Variants in MID1 observed in about 807,000 individuals in gnomAD.
MID1 encodes the protein midline 1, also known as E3 ubiquitin-protein ligase Midline-1.
MID1 carries 7 observed loss-of-function variants against 40.4 expected under a neutral mutation model. The observed-to-expected ratio is 0.17, with a 90% CI of 0.10 to 0.33. The LOEUF is 0.33. Among genes scored for constraint, MID1 ranks in the 10% least tolerant of loss-of-function variants. The probability of loss-of-function intolerance (pLI) is 1.00; values close to 1 mark genes in which losing one functional copy is unlikely to be tolerated. For synonymous variants in MID1, 229 were observed against 221.2 expected, an observed-to-expected ratio of 1.04 and a Z score of -0.31; for missense variants, 367 against 558.5, an observed-to-expected ratio of 0.66 and a Z score of 3.46.
At chrX:10,699,315 G>A (rs1399321455) in intron 1 of MID1, among the ~76,000 whole-genome samples, 1 of 111,855 alleles carries the variant, frequency 8.9e-6, no homozygotes, top group Non-Finnish European at 1.9e-5. Context: ...CAAATAAATG[G>A]GACTGATATC....
intron 1 of MID1, among the ~76,000 whole-genome samples, chrX:10,688,320 C>G (rs934215059): frequency 9.0e-6 from 1 of 111,628 alleles, no homozygotes; most frequent in Non-Finnish European, 1.9e-5. Flanking sequence ...TTGTAACCAG[C>G]ATTTTGGTAC....
chrX:10,632,861 G>A (rs1264024385), intron 1 of MID1, among the ~76,000 whole-genome samples: 1 of 111,383 alleles, frequency 9.0e-6, no homozygotes, highest in Non-Finnish European at 1.9e-5. Flanking sequence ...TGAAAAGTAT[G>A]TGAAATTAAA....
intron 1 of MID1, among the ~76,000 whole-genome samples, chrX:10,819,484 C>T (rs2044160875): frequency 9.0e-6 from 1 of 111,230 alleles, no homozygotes; most frequent in Non-Finnish European, 1.9e-5. Flanking sequence ...AGTGGATGTC[C>T]TTTATCCTCA....
intron 1 of MID1, among the ~76,000 whole-genome samples, chrX:10,808,564 T>C (rs764997382): frequency 7.2e-5 from 8 of 110,548 alleles, no homozygotes; most frequent in Non-Finnish European, 1.3e-4. Flanking sequence ...CACCTCCCTA[T>C]GGTACACCTC....
chrX:10,719,161 A>G (rs2043328500), intron 1 of MID1, among the ~76,000 whole-genome samples: 1 of 110,627 alleles, frequency 9.0e-6, no homozygotes, highest in South Asian at 3.8e-4. Flanking sequence ...CTCTCTCACC[A>G]CTCCTATTCA....
chrX:10,706,588 C>T (rs2043233111), intron 1 of MID1, among the ~76,000 whole-genome samples: 1 of 111,286 alleles, frequency 9.0e-6, no homozygotes, highest in African/African-American at 3.3e-5. Flanking sequence ...GATGTGTTTG[C>T]TTCCCTTTCC....
At chrX:10,757,844 C>T (rs2043642712) in intron 1 of MID1, among the ~76,000 whole-genome samples, 2 of 111,278 alleles carry the variant, frequency 1.8e-5, no homozygotes, top group South Asian at 7.5e-4. Flanking sequence ...TCAATATGTA[C>T]CAGAAAAAAT....
At chrX:10,673,942 A>G (rs907503919) in intron 1 of MID1, among the ~76,000 whole-genome samples, 2 of 111,834 alleles carry the variant, frequency 1.8e-5, no homozygotes, top group African/African-American at 3.3e-5. Context: ...TTTCTTTCCC[A>G]TGATTCTTTT....
chrX:10,460,026 A>G lies in MID1; in HGVS notation c.1286-219T>C, dbSNP rs41309681. The G allele has an allele frequency of 0.03, 13,492 of 443,875 alleles. 580 individuals carry two copies. Among genetic ancestry groups the G allele is most frequent in the African/African-American group, 0.18 (7,400 of 40,682 alleles). The allele number at this position is 443,875 out of a possible 1,213,427, so 36.6% of individuals were successfully genotyped here. ...CTGCCCTGTATATCCAGGCCCAAAT[A>G]ACTTTGCAGGTGCTCCTTCTAAAGA... On this transcript the variant is annotated intron_variant, in intron 7 of 9. Transcript: ENST00000317552.
intron 1 of MID1, among the ~76,000 whole-genome samples, chrX:10,789,544 A>T (rs765875542): frequency 8.9e-6 from 1 of 112,369 alleles, no homozygotes; most frequent in Non-Finnish European, 1.9e-5. Flanking sequence ...GTACAGTCAC[A>T]TGCTGTGCAG....
At chrX:10,644,733 A>G (rs1396061623) in intron 1 of MID1, among the ~76,000 whole-genome samples, 1 of 110,939 alleles carries the variant, frequency 9.0e-6, no homozygotes, top group Non-Finnish European at 1.9e-5. Context: ...AACAGGGTCC[A>G]AAGTTCCCAT....
chrX:10,709,407 G>C (rs1286377831), intron 1 of MID1, among the ~76,000 whole-genome samples: 1 of 112,302 alleles, frequency 8.9e-6, no homozygotes, highest in Non-Finnish European at 1.9e-5. Context: ...GAACTGCATG[G>C]TTGTTATTAT....
In MID1 at chrX:10,448,161, T is replaced by C. The variant is rs546409012; in HGVS notation, c.*1207A>G. On this transcript the variant is annotated 3_prime_UTR_variant, in exon 10 of 10. Transcript: ENST00000317552. ...CTCTATTGTAAACTATACTAGACTA[T>C]AGAGGGACTTCTACATCTTTCAAGA... 9.1e-6 allele frequency: 1 copy of C among 109,511 alleles called. No homozygotes were observed. The highest frequency in any genetic ancestry group is 1.9e-5 in the Non-Finnish European group (1 of 52,571). The allele number at this position is 109,511 out of a possible 1,213,427, so 9.0% of individuals were successfully genotyped here.
At position 10,562,350 on chromosome X, in the gene MID1, CAT is replaced by C. The variant is rs773112314; in HGVS notation, c.660+4536_660+4537del. 2.2e-4 allele frequency among the ~76,000 whole-genome samples: 18 copies of C among 82,202 alleles called. 1 individual carries two copies. The South Asian group carries it at 5.2e-3, about 24-fold the overall frequency. 71.4% of individuals were successfully genotyped at this position (82,202 alleles called of 115,157 possible). ...TGTATACTTATGTAATAAATCTGCA[CAT>C]GTGTCCCAGAACTTAAAGTAAAAAA... On this transcript the variant is annotated intron_variant, in intron 2 of 9. Coordinates refer to ENST00000317552, the MANE Select transcript of MID1 (RefSeq NM_000381.4).
At chrX:10,524,302 C>G (rs745679459) in intron 2 of MID1, among the ~76,000 whole-genome samples, 2 of 111,680 alleles carry the variant, frequency 1.8e-5, no homozygotes, top group South Asian at 7.6e-4. Flanking sequence ...CTCTTGATTG[C>G]CAGGGGTGTC....
At chrX:10,758,127 CTT>C (rs752295936) in intron 1 of MID1, among the ~76,000 whole-genome samples, 4 of 93,209 alleles carry the variant, frequency 4.3e-5, no homozygotes, top group Non-Finnish European at 4.2e-5. Context: ...GCATGCCCTG[CTT>C]TTTTTTTTTT....
chrX:10,650,674 C>T (rs1936307783), intron 1 of MID1, among the ~76,000 whole-genome samples: 1 of 111,660 alleles, frequency 9.0e-6, no homozygotes, highest in African/African-American at 3.3e-5. Context: ...CCCCATCTCC[C>T]GCTCTCCTAA....
intron 1 of MID1, among the ~76,000 whole-genome samples, chrX:10,608,134 G>C (rs1339150986): frequency 1.8e-5 from 2 of 112,344 alleles, no homozygotes; most frequent in East Asian, 5.6e-4. Flanking sequence ...AGAAAGCTGG[G>C]TCACTGATAC....
intron 1 of MID1, among the ~76,000 whole-genome samples, chrX:10,651,583 G>C (rs1430067077): frequency 2.7e-5 from 3 of 112,203 alleles, no homozygotes; most frequent in African/African-American, 9.7e-5. Flanking sequence ...CATCCAATTA[G>C]TCAACTTGTT....
Sources: allele counts gnomAD v4.1 joint callset (sites outside exome capture counted in the v4.1 genomes callset), GRCh38; gene constraint gnomAD v4.1.1; transcripts MANE v1.5; gene names NCBI Gene and HGNC (gene_info 2026-07-23, HGNC 2026-07-21).